MAP2K6: variants seen among roughly 807,000 people sequenced by gnomAD.
MAP2K6 encodes mitogen-activated protein kinase kinase 6.
In MAP2K6, 16 loss-of-function variants were observed where a neutral mutation model predicts 53.7. The ratio of observed to expected loss-of-function variants is 0.30; its 90% confidence interval spans 0.20 to 0.45. The LOEUF is 0.45. Among genes scored for constraint, MAP2K6 ranks in the 20% least tolerant of loss-of-function variants. The pLI, the probability that MAP2K6 is intolerant of heterozygous loss-of-function variation, is 1.00. For synonymous variants in MAP2K6, 132 were observed against 143.1 expected (o/e 0.92, Z 0.55); for missense variants, 204 against 411.9 (o/e 0.50, Z 4.37).
chr17:69,454,143 A>G (rs979274755), intron 1 of MAP2K6, among the ~76,000 whole-genome samples: 4 of 152,252 alleles, frequency 2.6e-5, no homozygotes, highest in Non-Finnish European at 5.9e-5. Context: ...GAGCAATAAA[A>G]GAAATATCAG....
chr17:69,470,171 T>G lies in MAP2K6; in HGVS notation c.17-35609T>G, dbSNP rs186542411. Among the ~76,000 whole-genome samples the G allele has an allele frequency of 1.2e-3, 186 of 152,206 alleles. 1 individual carries two copies. Among genetic ancestry groups the G allele is most frequent in the African/African-American group, 4.3e-3 (179 of 41,526 alleles). On this transcript the variant is annotated intron_variant, in intron 1 of 11. Coordinates refer to ENST00000590474, the MANE Select transcript of MAP2K6 (RefSeq NM_002758.4). ...AGTGAGCCTCATCACACCATTGCAC[T>G]CCAGCCTGGATAACAGAGCGAGACC...
At chr17:69,423,244 T>C (rs1230061213) in intron 1 of MAP2K6, among the ~76,000 whole-genome samples, 1 of 152,118 alleles carries the variant, frequency 6.6e-6, no homozygotes, top group Non-Finnish European at 1.5e-5. Context: ...TTTTAAATGA[T>C]TGAAAAAAAA....
At chr17:69,513,519 C>T (rs953382462) in intron 2 of MAP2K6, among the ~76,000 whole-genome samples, 1 of 152,068 alleles carries the variant, frequency 6.6e-6, no homozygotes, top group Admixed American at 6.5e-5. Context: ...CTATTAGGTT[C>T]AGGGGTAATG....
chr17:69,512,907 G>A (rs540440970), intron 2 of MAP2K6, among the ~76,000 whole-genome samples: 15 of 152,204 alleles, frequency 9.9e-5, no homozygotes, highest in African/African-American at 3.6e-4. Context: ...AATTATAAAT[G>A]AATAATTATC....
intron 1 of MAP2K6, among the ~76,000 whole-genome samples, chr17:69,487,624 A>G (rs1019449863): frequency 3.8e-4 from 58 of 152,324 alleles, no homozygotes; most frequent in African/African-American, 1.3e-3. Context: ...TGAGGCTTAC[A>G]TTAATAACAT....
chr17:69,453,030 A>G (rs1907280337), intron 1 of MAP2K6, among the ~76,000 whole-genome samples: 1 of 152,208 alleles, frequency 6.6e-6, no homozygotes, highest in Admixed American at 6.5e-5. Flanking sequence ...TAAGAAGCCA[A>G]CACCATTTAA....
chr17:69,479,487 C>T (rs1908273165), intron 1 of MAP2K6, among the ~76,000 whole-genome samples: 1 of 151,742 alleles, frequency 6.6e-6, no homozygotes, highest in African/African-American at 2.4e-5. Context: ...GGGTTTCATC[C>T]CCAAAATATC....
At chr17:69,428,108 A>G (rs1906330739) in intron 1 of MAP2K6, among the ~76,000 whole-genome samples, 1 of 152,238 alleles carries the variant, frequency 6.6e-6, no homozygotes, top group African/African-American at 2.4e-5. Context: ...AAAAATGAAC[A>G]GAATCCTCTT....
chr17:69,524,737 G>A (rs1910672443), intron 8 of MAP2K6, among the ~76,000 whole-genome samples, 164 bp from the exon 9 acceptor site: 2 of 152,168 alleles, frequency 1.3e-5, no homozygotes, highest in African/African-American at 4.8e-5. Context: ...CGGAGGCATT[G>A]ATATTTGTTG....
At chr17:69,501,237 C>T (rs181039941) in intron 1 of MAP2K6, among the ~76,000 whole-genome samples, 155 of 152,310 alleles carry the variant, frequency 1.0e-3, no homozygotes, top group Non-Finnish European at 1.6e-3. Flanking sequence ...TGCCCCCAAC[C>T]CTCGGCCAAG....
chr17:69,528,128 C>G (rs1208596295), intron 10 of MAP2K6, among the ~76,000 whole-genome samples: 1 of 72,548 alleles, frequency 1.4e-5, no homozygotes, highest in Non-Finnish European at 2.8e-5. Flanking sequence ...AAAAAAAAAG[C>G]TGTGAATACA....
At chr17:69,461,051 A>G (rs1432138712) in intron 1 of MAP2K6, among the ~76,000 whole-genome samples, 1 of 152,214 alleles carries the variant, frequency 6.6e-6, no homozygotes, top group Non-Finnish European at 1.5e-5. Context: ...GTAGGATGTG[A>G]TACAGATTCA....
intron 1 of MAP2K6, among the ~76,000 whole-genome samples, chr17:69,468,321 T>C (rs1486065672): frequency 6.6e-6 from 1 of 152,218 alleles, no homozygotes; most frequent in African/African-American, 2.4e-5. Context: ...TCCAGTTTCA[T>C]CCTCTATTTG....
intron 1 of MAP2K6, among the ~76,000 whole-genome samples, chr17:69,493,957 G>T (rs193223403): frequency 2.0e-3 from 305 of 152,176 alleles, no homozygotes; most frequent in Non-Finnish European, 3.1e-3. Flanking sequence ...AGCTTGCTAG[G>T]TTGCATAAAA....
chr17:69,424,509 G>A (rs1171450364), intron 1 of MAP2K6, among the ~76,000 whole-genome samples: 1 of 152,194 alleles, frequency 6.6e-6, no homozygotes, highest in Non-Finnish European at 1.5e-5. Flanking sequence ...GGCCGGAGAG[G>A]TTAAGAACTT....
At chr17:69,469,762 C>G (rs1567829267) in intron 1 of MAP2K6, among the ~76,000 whole-genome samples, 1 of 152,010 alleles carries the variant, frequency 6.6e-6, no homozygotes, top group Admixed American at 6.6e-5. Context: ...GAGACTCCAT[C>G]TCAAAAAAAT....
chr17:69,445,347 A>G (rs1208406684), intron 1 of MAP2K6, among the ~76,000 whole-genome samples: 1 of 152,224 alleles, frequency 6.6e-6, no homozygotes, highest in Non-Finnish European at 1.5e-5. Context: ...CCTCAAAAGC[A>G]AAAGGGCTGG....
intron 1 of MAP2K6, among the ~76,000 whole-genome samples, chr17:69,461,985 G>C (rs1383949207): frequency 6.6e-6 from 1 of 152,190 alleles, no homozygotes; most frequent in African/African-American, 2.4e-5. Context: ...TTTATGTGTA[G>C]AAATTCGCAA....
intron 2 of MAP2K6, among the ~76,000 whole-genome samples, chr17:69,509,474 A>G (rs1909698333): frequency 6.6e-6 from 1 of 152,144 alleles, no homozygotes; most frequent in African/African-American, 2.4e-5. Context: ...TTGATCTTCT[A>G]TTCTGTGACT....
Sources: gnomAD v4.1 joint callset for allele counts (sites outside exome capture counted in the v4.1 genomes callset) on GRCh38, gnomAD v4.1.1 for gene constraint, MANE v1.5 for transcripts, NCBI Gene and HGNC (gene_info 2026-07-23, HGNC 2026-07-21) for gene names.